The following ZNF10 variants were observed in gnomAD, a reference collection of about 807,000 sequenced individuals.
The protein encoded by ZNF10 is zinc finger protein 10.
In ZNF10, 8 loss-of-function variants were observed where a neutral mutation model predicts 12.2. That is an observed-to-expected ratio of 0.66 (90% CI 0.39 to 1.18). The LOEUF is 1.18. ZNF10 is among the 50% of genes most tolerant of loss of function. The probability of loss-of-function intolerance (pLI) is 0.01; values close to 1 mark genes in which losing one functional copy is unlikely to be tolerated. For missense variants in ZNF10, 603 were observed against 678.9 expected, an observed-to-expected ratio of 0.89 and a Z score of 1.24; for synonymous variants, 229 against 228.2, an observed-to-expected ratio of 1.00 and a Z score of -0.03.
chr12:133,152,154 A>G (rs1284665239), intron 4 of ZNF10, among the ~76,000 whole-genome samples: 1 of 151,654 alleles, frequency 6.6e-6, no homozygotes, highest in Non-Finnish European at 1.5e-5. Flanking sequence ...GTTACCACTC[A>G]CTCTAGCATC....
chr12:133,156,625 C>T lies in ZNF10; in HGVS notation c.1379C>T (p.Pro460Leu), dbSNP rs764871038. 1 of 1,614,044 alleles carries T rather than the reference C, an allele frequency of 6.2e-7. No homozygotes were observed. Among genetic ancestry groups the T allele is most frequent in the Non-Finnish European group, 8.5e-7 (1 of 1,179,988 alleles). The change falls in exon 5 of 5, where the codon CCA (proline) becomes CTA (leucine). Residue 460 changes from proline to leucine, a missense_variant. Coordinates refer to ENST00000248211, the MANE Select transcript of ZNF10 (RefSeq NM_015394.5). ...SHQRTHTGEKPYECHDCGKSF... is the reference protein window; with the variant it reads ...SHQRTHTGEKLYECHDCGKSF... ...CAAAGAACCCACACTGGAGAGAAAC[C>T]ATATGAGTGTCATGATTGTGGAAAA...
intron 1 of ZNF10, among the ~76,000 whole-genome samples, chr12:133,141,774 A>G (rs1322843842): frequency 6.6e-6 from 1 of 152,190 alleles, no homozygotes; most frequent in Non-Finnish European, 1.5e-5. Context: ...GGAGAAATAT[A>G]TGAAGAAATA....
chr12:133,150,955 C>T (rs892152389), intron 2 of ZNF10, 73 bp from the exon 3 acceptor site: 1 of 1,538,732 alleles, frequency 6.5e-7, no homozygotes, highest in African/African-American at 1.4e-5. Flanking sequence ...AATTTCTCTT[C>T]CTGTTAGCGA....
rs1177820602 is a variant in ZNF10 at position 133,156,089 on chromosome 12, T to C, written c.843T>C (p.Thr281=). The change falls in exon 5 of 5, where the codon ACT becomes ACC. Residue 281 remains threonine (T), a synonymous_variant. Coordinates refer to ENST00000248211, the MANE Select transcript of ZNF10 (RefSeq NM_015394.5). The part of the protein sequence containing the change: ...GKFFSWRSNL[T]RHQLIHTGEK... ...TCTTCAGCTGGCGCTCTAATCTTACTAGGCATCAGCTTATTCATACTGGAG... is the reference window on the plus strand; with the variant it reads ...TCTTCAGCTGGCGCTCTAATCTTACCAGGCATCAGCTTATTCATACTGGAG... 1.2e-6 allele frequency: 2 copies of C among 1,613,478 alleles called. No homozygotes were observed. The highest frequency in any genetic ancestry group is 1.7e-5 in the Admixed American group (1 of 60,014).
At chr12:133,130,973 C>T (rs1195061438) in intron 1 of ZNF10, 2 of 152,206 alleles carry the variant, frequency 1.3e-5, no homozygotes, top group Non-Finnish European at 2.9e-5. Context: ...TGGAGAATAA[C>T]GGCTGCACCT....
rs56375200 is a variant in ZNF10, at chr12:133,137,249, C to T, written c.-60+6495C>T. On this transcript the variant is annotated intron_variant, in intron 1 of 4. Coordinates refer to ENST00000248211, the MANE Select transcript of ZNF10 (RefSeq NM_015394.5). ...TTTTTGGGGCTACTATTATATCTTC[C>T]TCTAGTCCATTACACAGCTACCCCT... Among the ~76,000 whole-genome samples, 1,091 of 152,236 alleles carry T rather than the reference C, an allele frequency of 7.2e-3. 4 individuals carry two copies. Among genetic ancestry groups the T allele is most frequent in the Non-Finnish European group, 0.013 (854 of 68,018 alleles).
At chr12:133,138,579 CAT>C (rs767217904) in intron 1 of ZNF10, among the ~76,000 whole-genome samples, 2 of 152,164 alleles carry the variant, frequency 1.3e-5, no homozygotes, top group Non-Finnish European at 2.9e-5. Flanking sequence ...TAACTCCACA[CAT>C]ATGTCCTAAT....
intron 1 of ZNF10, among the ~76,000 whole-genome samples, chr12:133,136,911 C>T (rs1955915482): frequency 6.6e-6 from 1 of 152,172 alleles, no homozygotes; most frequent in South Asian, 2.1e-4. Context: ...GGATAACCCT[C>T]ACATTTAAAT....
Position 133,158,304 on chromosome 12 carries a change from A to AT in ZNF10, c.*1339dup, listed in dbSNP as rs1302771147. The stretch of plus-strand genomic sequence containing the variant: ...ATATTGCCGCACCCTAATATCTGTT[A>AT]TTTAATTGAAATCTGCTTGTGTGCT... On this transcript the variant is annotated 3_prime_UTR_variant, in exon 5 of 5. Transcript: ENST00000248211. 1.3e-5 allele frequency: 2 copies of AT among 152,220 alleles called. No individual in the cohort carries two copies. Among genetic ancestry groups the AT allele is most frequent in the African/African-American group, 4.8e-5 (2 of 41,452 alleles). The allele number at this position is 152,220 out of a possible 1,614,324, so 9.4% of individuals were successfully genotyped here.
chr12:133,130,860 A>G (rs1219037382), intron 1 of ZNF10, 106 bp downstream of exon 1: 1 of 152,202 alleles, frequency 6.6e-6, no homozygotes, highest in Non-Finnish European at 1.5e-5. Flanking sequence ...GGTAGACGGT[A>G]ATTTCGTCAA....
intron 1 of ZNF10, among the ~76,000 whole-genome samples, chr12:133,138,801 T>C (rs143843683): frequency 2.6e-3 from 393 of 152,320 alleles, no homozygotes; most frequent in Non-Finnish European, 4.6e-3. Flanking sequence ...CCTAGGATAG[T>C]ACTTGGCATA....
At chr12:133,141,160 C>T (rs1342323212) in intron 1 of ZNF10, among the ~76,000 whole-genome samples, 1 of 152,120 alleles carries the variant, frequency 6.6e-6, no homozygotes, top group African/African-American at 2.4e-5. Flanking sequence ...ATAATTAGCC[C>T]TATACTAGGC....
At chr12:133,133,577 C>T (rs1304141003) in intron 1 of ZNF10, among the ~76,000 whole-genome samples, 3 of 152,152 alleles carry the variant, frequency 2.0e-5, no homozygotes, top group Non-Finnish European at 4.4e-5. Flanking sequence ...TTCATGTTTA[C>T]GGATGATAGA....
chr12:133,140,202 CAAAA>C (rs67577219), intron 1 of ZNF10, among the ~76,000 whole-genome samples: 5 of 35,206 alleles, frequency 1.4e-4, no homozygotes, highest in Admixed American at 5.3e-4. Context: ...GACCCTGTCT[CAAAA>C]AAAAAAAAAA....
At chr12:133,153,339 A>G (rs1956019172) in intron 4 of ZNF10, among the ~76,000 whole-genome samples, 1 of 152,164 alleles carries the variant, frequency 6.6e-6, no homozygotes, top group Non-Finnish European at 1.5e-5. Context: ...CTTCGACAAT[A>G]ACTTACTGGC....
At chr12:133,139,890 A>G (rs554502895) in intron 1 of ZNF10, among the ~76,000 whole-genome samples, 43 of 151,980 alleles carry the variant, frequency 2.8e-4, no homozygotes, top group African/African-American at 9.2e-4. Context: ...TGAGACCCCT[A>G]TCGCTGCAAA....
At chr12:133,133,313 A>C (rs1303714275) in intron 1 of ZNF10, among the ~76,000 whole-genome samples, 2 of 152,180 alleles carry the variant, frequency 1.3e-5, no homozygotes, top group Non-Finnish European at 2.9e-5. Flanking sequence ...TTTATTAATG[A>C]ACATGTACTC....
rs1175834131 is a variant in ZNF10 at position 133,159,271 on chromosome 12, TAAA to T, written c.*2307_*2309del. ...TTATGACAGTGCATAATTTGCAAAA[TAAA>T]AAATGTACACTAGCATAATATTTGT... On this transcript the variant is annotated 3_prime_UTR_variant, in exon 5 of 5. Transcript: ENST00000248211. The T allele has an allele frequency of 1.3e-5, 2 of 152,098 alleles. No homozygotes were observed. The highest frequency in any genetic ancestry group is 6.6e-5 in the Admixed American group (1 of 15,264). The allele number at this position is 152,098 out of a possible 1,614,324, so 9.4% of individuals were successfully genotyped here.
intron 3 of ZNF10, 107 bp downstream of exon 3, chr12:133,151,261 T>A: frequency 8.6e-7 from 1 of 1,161,740 alleles, no homozygotes; most frequent in Non-Finnish European, 1.1e-6. Context: ...TTCAGAGACC[T>A]AATTTCTTTG....
Sources: allele counts gnomAD v4.1 joint callset (sites outside exome capture counted in the v4.1 genomes callset), GRCh38; gene constraint gnomAD v4.1.1; transcripts MANE v1.5; gene names NCBI Gene and HGNC (gene_info 2026-07-23, HGNC 2026-07-21).